Variants in MYO7B observed in about 807,000 individuals in gnomAD.
MYO7B encodes unconventional myosin-VIIb.
Under a neutral mutation model 259.7 loss-of-function variants are expected in MYO7B, and 212 were observed. The ratio of observed to expected loss-of-function variants is 0.82; its 90% CI spans 0.73 to 0.91. The LOEUF is 0.91. MYO7B is among the 40% of genes least tolerant of loss of function. The pLI is 0.00. For synonymous variants in MYO7B, 1,197 were observed against 1,166.4 expected, an observed-to-expected ratio of 1.03 and a Z score of -0.54; for missense variants, 2,732 against 2,813.5, an observed-to-expected ratio of 0.97 and a Z score of 0.66.
rs1680387869 is a variant in MYO7B, at chr2:127,611,508, A to C, written c.3193-742A>C. Among the ~76,000 whole-genome samples the C allele has an allele frequency of 6.6e-6, 1 of 152,188 alleles. No individual in the cohort carries two copies. Among genetic ancestry groups the C allele is most frequent in the African/African-American group, 2.4e-5 (1 of 41,436 alleles). On this transcript the variant is annotated intron_variant, in intron 24 of 47. Transcript: ENST00000409816. The surrounding 1 kb of genome is among the most constrained non-coding windows in gnomAD (Gnocchi z 5.4). ...AATATCCATGACGTGCCCCAGACAC[A>C]GAGCAGTGAGCCCAGCAAGCCTCAC...
At position 127,559,204 on chromosome 2, in the gene MYO7B, G is replaced by A. The variant is rs1340568914; in HGVS notation, c.-23-496G>A. Among the ~76,000 whole-genome samples the A allele has an allele frequency of 6.6e-6, 1 of 152,232 alleles. No individual in the cohort carries two copies. Among genetic ancestry groups the A allele is most frequent in the Non-Finnish European group, 1.5e-5 (1 of 68,034 alleles). On this transcript the variant is annotated intron_variant, in intron 1 of 47. Coordinates refer to ENST00000409816, the MANE Select transcript of MYO7B (RefSeq NM_001393586.1). This position sits in a 1 kb window ranked among gnomAD's most constrained non-coding sequence, Gnocchi z 4.1. ...GGTGCTAAGGACAGGTTTGAAAGGA[G>A]GCAGATCCGGGTTTGATTCCCAGCT...
intron 1 of MYO7B, among the ~76,000 whole-genome samples, chr2:127,551,445 C>T (rs1422185753): frequency 7.2e-5 from 11 of 152,132 alleles, no homozygotes; most frequent in Non-Finnish European, 1.2e-4. Context: ...CCTCCAGGCT[C>T]CCCAGGCTGA....
At position 127,614,760 on chromosome 2, in the gene MYO7B, T is replaced by C. The variant is rs1017255662; in HGVS notation, c.3398+2157T>C. 2.6e-5 allele frequency among the ~76,000 whole-genome samples: 4 copies of C among 152,138 alleles called. No individual in the cohort carries two copies. The highest frequency in any genetic ancestry group is 5.9e-5 in the Non-Finnish European group (4 of 68,032). On this transcript the variant is annotated intron_variant, in intron 26 of 47. Transcript: ENST00000409816. This position sits in a 1 kb window ranked among gnomAD's most constrained non-coding sequence, Gnocchi z 4.6. ...ATCTCTCTATCCCCATGAAGTCCCT[T>C]CCAGGAATCACATTCCAAATTTCTT...
chr2:127,636,904 G>C lies in MYO7B; in HGVS notation c.6318G>C (p.Glu2106Asp). ...GCCGTGGCAGCCGCCTGCTGTGCGA[G>C]ACCTCCCTGGTGAGCTCAGGTTCTT... ...SLGRGSRLLC[E>D]TSLGYKMDDL... The change falls in exon 47 of 48, where the codon GAG becomes GAC. Residue 2106 changes from glutamate (E) to aspartate (D), a missense_variant. By Grantham distance (45) the Glu-to-Asp change is conservative. Coordinates refer to ENST00000409816, the MANE Select transcript of MYO7B (RefSeq NM_001393586.1). This position sits in a 1 kb window ranked among gnomAD's most constrained non-coding sequence, Gnocchi z 4.5. The C allele has an allele frequency of 6.2e-7, 1 of 1,612,444 alleles. No homozygotes were observed. Among genetic ancestry groups the C allele is most frequent in the Non-Finnish European group, 8.5e-7 (1 of 1,179,862 alleles).
At chr2:127,536,184 AT>A (rs1393250749) in intron 1 of MYO7B, among the ~76,000 whole-genome samples, 17 of 152,264 alleles carry the variant, frequency 1.1e-4, no homozygotes, top group Non-Finnish European at 2.1e-4. Flanking sequence ...ATCATGGGAC[AT>A]CATGGATAGC....
chr2:127,634,113 T>C, intron 40 of MYO7B, 63 bp from the exon 41 acceptor site: 2 of 1,325,750 alleles, frequency 1.5e-6, no homozygotes, highest in East Asian at 5.0e-5. Flanking sequence ...CTAGGAAGGC[T>C]CATCCTGGGC....
chr2:127,607,279 G>A lies in MYO7B; in HGVS notation c.2498G>A (p.Arg833Gln), dbSNP rs764178086. 1.7e-5 allele frequency: 26 copies of A among 1,551,174 alleles called. No homozygotes were observed. The East Asian group carries it at 1.7e-4, about 10-fold the overall frequency. ...QPLARQYQAM[R>Q]QRTVQLQALC... ...CTGGCGAGGCAGTACCAGGCCATGC[G>A]GCAGAGGACAGTCCAGCTGCAGGCC... Residue 833 changes from arginine (R) to glutamine (Q), a missense_variant, in exon 21 of 48, where the codon CGG becomes CAG. By Grantham distance (43) the Arg-to-Gln change is conservative. Around this residue, in one of 3 missense-constraint regions of MYO7B, gnomAD observed 1,906 missense variants for 2,026.4 expected, o/e 0.94. Transcript: ENST00000409816. The surrounding 1 kb of genome is among the most constrained non-coding windows in gnomAD (Gnocchi z 4.4).
At position 127,623,398 on chromosome 2, in the gene MYO7B, G is replaced by A. The variant is rs751280863; in HGVS notation, c.3819+23G>A. ...AAGGTACCAGCCAGGCACCCTGCCC[G>A]TCAGCCGCCTCCCTCATACACCCAG... On this transcript the variant is annotated intron_variant, in intron 29 of 47. Transcript: ENST00000409816. The A allele has an allele frequency of 8.8e-5, 136 of 1,537,452 alleles. 2 individuals carry two copies. The highest frequency in any genetic ancestry group is 7.5e-4 in the South Asian group (60 of 80,054).
chr2:127,598,357 A>G (rs1679845794), intron 19 of MYO7B, among the ~76,000 whole-genome samples: 1 of 152,184 alleles, frequency 6.6e-6, no homozygotes, highest in African/African-American at 2.4e-5. Context: ...CCCGATGTGG[A>G]ACACCTTTGT....
intron 6 of MYO7B, 83 bp downstream of exon 6, chr2:127,569,993 A>C: frequency 6.9e-7 from 1 of 1,459,672 alleles, no homozygotes; most frequent in African/African-American, 1.4e-5. Flanking sequence ...GAGGGACAGG[A>C]TAGGCCACAA....
Position 127,627,296 on chromosome 2 carries a change from TCTGGCCACCAA to T in MYO7B, c.4448_4458del (p.Leu1483GlnfsTer16). ...AACTCTCTTTCCCAGAGGTCATGGG[TCTGGCCACCAA>T]CAGGTGCGGGCCCTGAGGGAAGATC... On this transcript the variant is annotated frameshift_variant, in exon 33 of 48. Coordinates refer to ENST00000409816, the MANE Select transcript of MYO7B (RefSeq NM_001393586.1). LOFTEE classifies it high-confidence loss of function. The surrounding 1 kb of genome is among the most constrained non-coding windows in gnomAD (Gnocchi z 5.6). The T allele has an allele frequency of 6.2e-7, 1 of 1,613,028 alleles. No individual in the cohort carries two copies. The highest frequency in any genetic ancestry group is 8.5e-7 in the Non-Finnish European group (1 of 1,179,754).
chr2:127,634,111 G>A (rs1308342268), intron 40 of MYO7B, 65 bp from the exon 41 acceptor site: 11 of 1,303,202 alleles, frequency 8.4e-6, no homozygotes, highest in South Asian at 1.3e-5. Context: ...GGCTAGGAAG[G>A]CTCATCCTGG....
rs1332372540 is a variant in MYO7B at position 127,578,147 on chromosome 2, C to T, written c.864C>T (p.Ser288=). 3 of 1,613,808 alleles carry T rather than the reference C, an allele frequency of 1.9e-6. No individual in the cohort carries two copies. Among genetic ancestry groups the T allele is most frequent in the East Asian group, 4.5e-5 (2 of 44,852 alleles). ...YHYLTMGNCT[S]CEGLNDAKDY... is the part of the protein sequence containing the mutation. Reference sequence around the variant, plus strand: ...CTGTCCCTCAGGGGAACTGCACTTCCTGTGAGGGGCTCAACGACGCCAAGG... The same window carrying T: ...CTGTCCCTCAGGGGAACTGCACTTCTTGTGAGGGGCTCAACGACGCCAAGG... The change falls in exon 9 of 48, where the codon TCC becomes TCT. Residue 288 remains serine (S), a synonymous_variant. Coordinates refer to ENST00000409816, the MANE Select transcript of MYO7B (RefSeq NM_001393586.1).
intron 3 of MYO7B, among the ~76,000 whole-genome samples, chr2:127,565,029 C>G (rs1678270201): frequency 1.3e-5 from 2 of 152,232 alleles, no homozygotes; most frequent in Admixed American, 1.3e-4. Flanking sequence ...GCTGACCCAG[C>G]CATAGATGGA....
At position 127,630,840 on chromosome 2, in the gene MYO7B, G is replaced by A; in HGVS notation, c.4869G>A (p.Glu1623=). ...KLAAQEGQFT[E]PRPEEPPKEK... ...CGGCTCAGGAGGGGCAGTTCACAGAGCCACGTCCTGAGGAGCCACCCAAGG... is the reference window on the plus strand; with the variant it reads ...CGGCTCAGGAGGGGCAGTTCACAGAACCACGTCCTGAGGAGCCACCCAAGG... Residue 1623 remains glutamate (E), a synonymous_variant, in exon 36 of 48, where the codon GAG becomes GAA. Coordinates refer to ENST00000409816, the MANE Select transcript of MYO7B (RefSeq NM_001393586.1). 6.2e-7 allele frequency: 1 copy of A among 1,612,766 alleles called. No homozygotes were observed. The highest frequency in any genetic ancestry group is 8.5e-7 in the Non-Finnish European group (1 of 1,179,636).
In MYO7B at chr2:127,594,291, C is replaced by A. The variant is rs745665759; in HGVS notation, c.2244+647C>A. Among the ~76,000 whole-genome samples the A allele has an allele frequency of 3.3e-5, 5 of 152,290 alleles. No homozygotes were observed. The South Asian group carries it at 1.0e-3, about 32-fold the overall frequency. On this transcript the variant is annotated intron_variant, in intron 18 of 47. Transcript: ENST00000409816. ...TGTCCCCTAGTCTCATAAGCCTCAGCGGGCCAGCACAGTGAGAGGGAAGAG... is the reference window on the plus strand; with the variant it reads ...TGTCCCCTAGTCTCATAAGCCTCAGAGGGCCAGCACAGTGAGAGGGAAGAG...
At chr2:127,631,003 T>TGGGTGCAATGAGG in intron 36 of MYO7B, 95 bp downstream of exon 36, 1 of 1,365,172 alleles carries the variant, frequency 7.3e-7, no homozygotes, top group Non-Finnish European at 1.0e-6. Context: ...CTCCACCTCA[T>TGGGTGCAATGAGG]TGCACCCACT....
rs1485282824 is a variant in MYO7B at position 127,586,902 on chromosome 2, G to C, written c.1691-1490G>C. Among the ~76,000 whole-genome samples the C allele has an allele frequency of 6.6e-6, 1 of 152,000 alleles. No individual in the cohort carries two copies. Among genetic ancestry groups the C allele is most frequent in the Non-Finnish European group, 1.5e-5 (1 of 67,996 alleles). ...CTGCCCCTGGTGGGGAGCTCTGCCT[G>C]AGCCTCAGGGGTGCAAGGTGTCACC... On this transcript the variant is annotated intron_variant, in intron 14 of 47. Coordinates refer to ENST00000409816, the MANE Select transcript of MYO7B (RefSeq NM_001393586.1). The surrounding 1 kb of genome is among the most constrained non-coding windows in gnomAD (Gnocchi z 4.8).
intron 1 of MYO7B, among the ~76,000 whole-genome samples, chr2:127,549,790 G>T (rs560323317): frequency 6.6e-6 from 1 of 152,300 alleles, no homozygotes; most frequent in Non-Finnish European, 1.5e-5. Context: ...TGATCCTGGT[G>T]GCCCTGAGAG....
Sources: gnomAD v4.1 joint callset for allele counts (sites outside exome capture counted in the v4.1 genomes callset) on GRCh38, gnomAD v4.1.1 for gene constraint, gnomAD v4.1.1 regional missense constraint, Gnocchi (gnomAD v3.1) non-coding constraint, MANE v1.5 for transcripts, NCBI Gene and HGNC (gene_info 2026-07-23, HGNC 2026-07-21) for gene names.